Variants in RHOBTB2 observed in about 807,000 individuals in gnomAD.
RHOBTB2 encodes the protein Rho related BTB domain containing 2, also known as rho-related BTB domain-containing protein 2.
In RHOBTB2, 39 loss-of-function variants were observed where a neutral mutation model predicts 66.5. That is an observed-to-expected ratio of 0.59 (90% CI 0.45 to 0.77). The LOEUF (loss-of-function observed/expected upper bound fraction) is 0.77, where lower values mean the gene tolerates loss of function less well. RHOBTB2 is among the 30% of genes least tolerant of loss of function. RHOBTB2 has a pLI of 0.00. For missense variants in RHOBTB2, 755 were observed against 999.1 expected, an observed-to-expected ratio of 0.76 and a Z score of 3.29; for synonymous variants, 390 against 395.0, an observed-to-expected ratio of 0.99 and a Z score of 0.15.
chr8:23,009,321 G>A (rs1322529860), intron 6 of RHOBTB2, among the ~76,000 whole-genome samples: 1 of 152,144 alleles, frequency 6.6e-6, no homozygotes, highest in Non-Finnish European at 1.5e-5. Flanking sequence ...GAAACTTAGG[G>A]TTGGAAGAAG....
rs924037478 is a variant in RHOBTB2 at position 23,006,618 on chromosome 8, G to A, written c.483-110G>A. 20 of 1,031,616 alleles carry A rather than the reference G, an allele frequency of 1.9e-5. No individual in the cohort carries two copies. The highest frequency in any genetic ancestry group is 2.8e-5 in the Non-Finnish European group (19 of 687,846). The allele number at this position is 1,031,616 out of a possible 1,614,324, so 63.9% of individuals were successfully genotyped here. ...TGGCCAGACAGAGCAGGGCAGGAGT[G>A]GGTGGGGATTGGCACCCAGATCCTG... is the stretch of plus-strand genomic sequence containing the variant. On this transcript the variant is annotated intron_variant, in intron 4 of 9. Transcript: ENST00000251822. This position sits in a 1 kb window ranked among gnomAD's most constrained non-coding sequence, Gnocchi z 6.1.
chr8:22,972,459 G>T, the RHOBTB2 span, among the ~76,000 whole-genome samples: 2 of 152,142 alleles, frequency 1.3e-5, no homozygotes, highest in East Asian at 3.9e-4. Flanking sequence ...CTTCATGTCT[G>T]TTGTCACCAC....
chr8:22,968,674 T>C, the RHOBTB2 span, among the ~76,000 whole-genome samples: 1 of 152,000 alleles, frequency 6.6e-6, no homozygotes, highest in Non-Finnish European at 1.5e-5. Context: ...AATAAATAGC[T>C]CAATGAAACA....
At chr8:22,979,639 A>G in the RHOBTB2 span, among the ~76,000 whole-genome samples, 1 of 151,122 alleles carries the variant, frequency 6.6e-6, no homozygotes. Flanking sequence ...CTGACTTGTG[A>G]TTATTTCCTT....
At position 23,019,369 on chromosome 8, in the gene RHOBTB2, C is replaced by T. The variant is rs949490528; in HGVS notation, c.*1900C>T. 2 of 152,718 alleles carry T rather than the reference C, an allele frequency of 1.3e-5. No individual in the cohort carries two copies. The highest frequency in any genetic ancestry group is 4.8e-5 in the African/African-American group (2 of 41,382). 9.5% of individuals were successfully genotyped at this position (152,718 alleles called of 1,614,324 possible). A position where few individuals can be genotyped will look rare whatever the true frequency, so the allele number is the denominator to read the frequency against. On this transcript the variant is annotated 3_prime_UTR_variant, in exon 10 of 10. Coordinates refer to ENST00000251822, the MANE Select transcript of RHOBTB2 (RefSeq NM_015178.3). The stretch of plus-strand genomic sequence containing the variant: ...TGTGGCTGCCTCCCCTCCACGGCCT[C>T]CAGGGCGGCTGGCTGGAAAGCCACG...
At chr8:22,966,820 C>T in the RHOBTB2 span, among the ~76,000 whole-genome samples, 17 of 152,142 alleles carry the variant, frequency 1.1e-4, no homozygotes, top group East Asian at 1.9e-4. Flanking sequence ...ATAATAAGTA[C>T]GCAGACCATA....
intron 2 of RHOBTB2, among the ~76,000 whole-genome samples, chr8:23,005,130 T>G: frequency 6.6e-6 from 1 of 152,116 alleles, no homozygotes; most frequent in East Asian, 1.9e-4. Flanking sequence ...TAGTGTCTCT[T>G]CCACCTGCTT....
chr8:22,984,260 T>C (rs143771713), upstream of RHOBTB2, among the ~76,000 whole-genome samples: 266 of 152,222 alleles, frequency 1.7e-3, 1 homozygote, highest in African/African-American at 6.2e-3. Flanking sequence ...TCAAAGACAA[T>C]ATCACCATCA....
chr8:22,995,852 T>C (rs1260675098), upstream of RHOBTB2: 5 of 1,551,456 alleles, frequency 3.2e-6, 1 homozygote, highest in East Asian at 2.4e-5. Flanking sequence ...GAGGCTGTAG[T>C]GTTCCAGGAG....
At chr8:23,000,847 G>C (rs1810754527) in intron 1 of RHOBTB2, among the ~76,000 whole-genome samples, 1 of 152,106 alleles carries the variant, frequency 6.6e-6, no homozygotes. Flanking sequence ...AAGATGATGT[G>C]GGATACTGGT....
rs1288256749 is a variant in RHOBTB2, at chr8:22,999,581, T to C, written c.-535T>C. The C allele has an allele frequency of 1.4e-5, 17 of 1,224,674 alleles. No individual in the cohort carries two copies. The highest frequency in any genetic ancestry group is 1.8e-5 in the Non-Finnish European group (17 of 963,684). The allele number at this position is 1,224,674 out of a possible 1,614,324, so 75.9% of individuals were successfully genotyped here. Reference sequence around the variant, plus strand: ...TCACGGCTGTCGTCTTGGGTGCGATTTTTTTCTCCTCCTTTTTTTACCCTC... The same window carrying C: ...TCACGGCTGTCGTCTTGGGTGCGATCTTTTTCTCCTCCTTTTTTTACCCTC... On this transcript the variant is annotated 5_prime_UTR_variant, in exon 1 of 10. Coordinates refer to ENST00000251822, the MANE Select transcript of RHOBTB2 (RefSeq NM_015178.3).
chr8:22,972,913 C>T, the RHOBTB2 span, among the ~76,000 whole-genome samples: 3 of 152,186 alleles, frequency 2.0e-5, no homozygotes, highest in Non-Finnish European at 4.4e-5. Flanking sequence ...CTGAATCTGC[C>T]GTGCAGCCAT....
At chr8:23,009,511 T>G (rs1443323413) in intron 6 of RHOBTB2, among the ~76,000 whole-genome samples, 2 of 152,238 alleles carry the variant, frequency 1.3e-5, no homozygotes, top group Non-Finnish European at 2.9e-5. Context: ...CGTGGAGTTC[T>G]GAACGTCCAC....
chr8:22,959,616 T>C, the RHOBTB2 span, among the ~76,000 whole-genome samples: 1 of 152,112 alleles, frequency 6.6e-6, no homozygotes, highest in Non-Finnish European at 1.5e-5. Context: ...TATCTCAAGA[T>C]CAGGTTCAGT....
upstream of RHOBTB2, among the ~76,000 whole-genome samples, chr8:22,982,432 G>A (rs1810227704): frequency 6.6e-6 from 1 of 152,028 alleles, no homozygotes; most frequent in Non-Finnish European, 1.5e-5. Flanking sequence ...GACCAGCCTG[G>A]CCAACATGGA....
At chr8:22,996,551 G>T (rs909453811), upstream of RHOBTB2, among the ~76,000 whole-genome samples, 20 of 125,442 alleles carry the variant, frequency 1.6e-4, no homozygotes, top group African/African-American at 6.6e-4. Context: ...GTGTGTGTGT[G>T]TGTGTGTGTG....
upstream of RHOBTB2, among the ~76,000 whole-genome samples, chr8:22,983,777 C>T (rs187573891): frequency 8.0e-4 from 121 of 152,156 alleles, no homozygotes; most frequent in African/African-American, 2.7e-3. Flanking sequence ...CTCTGTCACC[C>T]AGGCTGGAGT....
At chr8:22,968,043 T>C in the RHOBTB2 span, among the ~76,000 whole-genome samples, 1 of 151,864 alleles carries the variant, frequency 6.6e-6, no homozygotes, top group African/African-American at 2.4e-5. Context: ...GTAGTCTTAG[T>C]TACTCAGGAG....
At chr8:23,007,892 C>A in intron 5 of RHOBTB2, 101 bp from the exon 6 acceptor site, 1 of 1,476,412 alleles carries the variant, frequency 6.8e-7, no homozygotes, top group Non-Finnish European at 9.4e-7. Context: ...TTGTTCCGTG[C>A]CCCGAATCTT....
Sources: allele counts gnomAD v4.1 joint callset (sites outside exome capture counted in the v4.1 genomes callset), GRCh38; gene constraint gnomAD v4.1.1; non-coding constraint Gnocchi (gnomAD v3.1); transcripts MANE v1.5; gene names NCBI Gene and HGNC (gene_info 2026-07-23, HGNC 2026-07-21).